PDHX: variants seen among roughly 807,000 people sequenced by gnomAD.
PDHX encodes pyruvate dehydrogenase complex component X, also known as pyruvate dehydrogenase protein X component, mitochondrial.
In PDHX, 33 loss-of-function variants were observed where a neutral mutation model predicts 55.3. The ratio of observed to expected loss-of-function variants is 0.60; its 90% CI spans 0.45 to 0.80. The LOEUF is 0.80. Among genes scored for constraint, PDHX ranks in the 30% least tolerant of loss-of-function variants. PDHX has a pLI of 0.00. For missense variants in PDHX, 622 were observed against 619.9 expected, an observed-to-expected ratio of 1.00 and a Z score of -0.04; for synonymous variants, 226 against 219.4, an observed-to-expected ratio of 1.03 and a Z score of -0.27.
At chr11:34,940,314 T>A (rs1290078952) in intron 2 of PDHX, among the ~76,000 whole-genome samples, 1 of 152,150 alleles carries the variant, frequency 6.6e-6, no homozygotes, top group Non-Finnish European at 1.5e-5. Context: ...TTCAAATAGT[T>A]TTTGTCTAAT....
At chr11:34,990,975 C>T (rs1855743954) in intron 9 of PDHX, among the ~76,000 whole-genome samples, 1 of 152,160 alleles carries the variant, frequency 6.6e-6, no homozygotes, top group South Asian at 2.1e-4. Context: ...ACAGTGACCT[C>T]ATTTTTCTGT....
chr11:34,961,930 T>C (rs1565161666), intron 5 of PDHX, among the ~76,000 whole-genome samples: 1 of 152,190 alleles, frequency 6.6e-6, no homozygotes. Context: ...TAATCCCAGT[T>C]TTTTCCCCAC....
At chr11:34,984,401 A>G (rs1855595091) in intron 8 of PDHX, among the ~76,000 whole-genome samples, 169 bp from the exon 9 acceptor site, 1 of 152,248 alleles carries the variant, frequency 6.6e-6, no homozygotes, top group Non-Finnish European at 1.5e-5. Context: ...TGGCAAACAT[A>G]AAAGATAATT....
intron 5 of PDHX, among the ~76,000 whole-genome samples, chr11:34,962,167 G>A (rs1855032890): frequency 6.6e-6 from 1 of 152,228 alleles, no homozygotes; most frequent in Non-Finnish European, 1.5e-5. Context: ...ACCTTAGGGG[G>A]ATCAGTTCTG....
intron 4 of PDHX, among the ~76,000 whole-genome samples, chr11:34,957,835 C>T (rs973743553): frequency 6.6e-6 from 1 of 151,972 alleles, no homozygotes; most frequent in Non-Finnish European, 1.5e-5. Flanking sequence ...GAAAACCAAA[C>T]AGTATGTGTC....
intron 1 of PDHX, among the ~76,000 whole-genome samples, chr11:34,929,648 A>T (rs887498852): frequency 1.3e-5 from 2 of 152,230 alleles, no homozygotes; most frequent in African/African-American, 2.4e-5. Flanking sequence ...TAATTAATTG[A>T]TGATCCATAT....
At chr11:34,972,385 A>G (rs141489654) in intron 7 of PDHX, among the ~76,000 whole-genome samples, 94 of 130,726 alleles carry the variant, frequency 7.2e-4, no homozygotes, top group African/African-American at 2.5e-3. Flanking sequence ...GCTGTATCCC[A>G]CAAATGTTGA....
chr11:34,973,670 A>G (rs1855302070), intron 7 of PDHX, among the ~76,000 whole-genome samples: 4 of 152,168 alleles, frequency 2.6e-5, no homozygotes. Flanking sequence ...TAAGAACCTC[A>G]TAACTATATA....
At chr11:34,947,737 A>G in intron 3 of PDHX, 131 bp downstream of exon 3, 2 of 680,284 alleles carry the variant, frequency 2.9e-6, no homozygotes, top group East Asian at 5.5e-5. Flanking sequence ...ATACATTTTT[A>G]GTTCAAGTGT....
intron 9 of PDHX, 54 bp downstream of exon 9, chr11:34,984,782 A>C: frequency 6.5e-7 from 1 of 1,543,978 alleles, no homozygotes; most frequent in Non-Finnish European, 9.0e-7. Flanking sequence ...CTTTTGGATA[A>C]TTACTTTCTG....
chr11:34,924,114 T>A (rs1468892788), intron 1 of PDHX, among the ~76,000 whole-genome samples: 1 of 152,364 alleles, frequency 6.6e-6, no homozygotes, highest in Non-Finnish European at 1.5e-5. Context: ...GATATTGTGA[T>A]ACATCTAGCC....
chr11:34,958,406 T>G (rs1055921438), intron 4 of PDHX, among the ~76,000 whole-genome samples: 1 of 152,092 alleles, frequency 6.6e-6, no homozygotes, highest in Non-Finnish European at 1.5e-5. Context: ...GTTCAAGCGA[T>G]TCTCCTGCCT....
intron 3 of PDHX, among the ~76,000 whole-genome samples, chr11:34,949,077 G>A (rs1854691096): frequency 1.3e-5 from 2 of 152,120 alleles, no homozygotes. Flanking sequence ...TAGTGGCTTT[G>A]GTGGCACAGC....
At chr11:34,978,964 A>C (rs906112729) in intron 8 of PDHX, among the ~76,000 whole-genome samples, 2 of 152,148 alleles carry the variant, frequency 1.3e-5, no homozygotes, top group African/African-American at 4.8e-5. Context: ...TGTAGAATGT[A>C]GCCTGTGGAG....
At chr11:34,993,454 A>G (rs1012761366) in intron 10 of PDHX, among the ~76,000 whole-genome samples, 2 of 152,076 alleles carry the variant, frequency 1.3e-5, no homozygotes, top group Admixed American at 6.6e-5. Flanking sequence ...TCACAATTCA[A>G]CTGAAATTGG....
At chr11:34,964,694 G>A (rs1855088898) in intron 5 of PDHX, among the ~76,000 whole-genome samples, 1 of 149,214 alleles carries the variant, frequency 6.7e-6, no homozygotes, top group South Asian at 2.1e-4. Context: ...ACCTACCCAA[G>A]AACCTTAATT....
In PDHX at chr11:34,992,369, G is replaced by A. The variant is rs751327601; in HGVS notation, c.1237G>A (p.Gly413Arg). 1 of 1,570,918 alleles carries A rather than the reference G, an allele frequency of 6.4e-7. No homozygotes were observed. Among genetic ancestry groups the A allele is most frequent in the Non-Finnish European group, 8.8e-7 (1 of 1,141,500 alleles). The change falls in exon 10 of 11, where the codon GGA (glycine) becomes AGA (arginine). Residue 413 changes from glycine (G) to arginine (R), a missense_variant. Coordinates refer to ENST00000227868, the MANE Select transcript of PDHX (RefSeq NM_003477.3). ...GKLLPEEYQGGSFSISNLGMF... is the reference protein window; with the variant it reads ...GKLLPEEYQGRSFSISNLGMF... The stretch of plus-strand genomic sequence containing the variant: ...ATTGTTGCCTGAAGAATACCAAGGA[G>A]GATCTTTTAGGTAAAATTTAAACTC...
chr11:34,927,935 T>C (rs1279023585), intron 1 of PDHX, among the ~76,000 whole-genome samples: 2 of 152,142 alleles, frequency 1.3e-5, no homozygotes, highest in East Asian at 3.8e-4. Flanking sequence ...TTTCAATTCA[T>C]TTCATGAAGG....
intron 1 of PDHX, among the ~76,000 whole-genome samples, chr11:34,930,850 C>A (rs531086280): frequency 1.3e-5 from 2 of 152,276 alleles, no homozygotes; most frequent in Admixed American, 6.5e-5. Context: ...ACAAGGCAAA[C>A]GTTTCCTTTC....
Sources: allele counts gnomAD v4.1 joint callset (sites outside exome capture counted in the v4.1 genomes callset), GRCh38; gene constraint gnomAD v4.1.1; transcripts MANE v1.5; gene names NCBI Gene and HGNC (gene_info 2026-07-23, HGNC 2026-07-21).